The following SLMAP variants were observed in gnomAD, a reference collection of about 807,000 sequenced individuals.
The protein encoded by SLMAP is sarcolemma associated protein.
SLMAP carries 44 observed loss-of-function variants against 128.8 expected under a neutral mutation model. The ratio of observed to expected loss-of-function variants is 0.34; its 90% CI spans 0.27 to 0.44. The LOEUF (loss-of-function observed/expected upper bound fraction) is 0.44. SLMAP is among the 20% of genes least tolerant of loss of function. The probability of loss-of-function intolerance (pLI) is 1.00; values close to 1 mark genes in which losing one functional copy is unlikely to be tolerated. For missense variants in SLMAP, 787 were observed against 985.3 expected, an observed-to-expected ratio of 0.80 and a Z score of 2.69; for synonymous variants, 327 against 348.8, an observed-to-expected ratio of 0.94 and a Z score of 0.70.
intron 3 of SLMAP, among the ~76,000 whole-genome samples, chr3:57,835,911 T>C (rs1004832729): frequency 6.6e-6 from 1 of 152,182 alleles, no homozygotes; most frequent in Admixed American, 6.5e-5. Context: ...AATACACTTA[T>C]AATAAAGTAC....
At chr3:57,811,949 G>A (rs900240520) in intron 2 of SLMAP, among the ~76,000 whole-genome samples, 10 of 152,030 alleles carry the variant, frequency 6.6e-5, no homozygotes, top group Admixed American at 3.3e-4. Context: ...TGAGTTTTAG[G>A]TGTTCTCTAT....
rs748524742 is a variant in SLMAP at position 57,912,707 on chromosome 3, T to A, written c.2020+6T>A. On this transcript the variant is annotated splice_donor_region_variant and intron_variant, in intron 20 of 24. Transcript: ENST00000671191. Reference sequence around the variant, plus strand: ...AGAAGCAACAAGGTTGCAAGGTGAATAAATGTATTTTACATAAAGCTGTTA... The same window carrying A: ...AGAAGCAACAAGGTTGCAAGGTGAAAAAATGTATTTTACATAAAGCTGTTA... 3 of 1,596,980 alleles carry A rather than the reference T, an allele frequency of 1.9e-6. No homozygotes were observed. The highest frequency in any genetic ancestry group is 2.6e-6 in the Non-Finnish European group (3 of 1,167,260).
rs901549118 is a variant in SLMAP at position 57,927,941 on chromosome 3, G to A, written c.*652G>A. 6.6e-6 allele frequency: 1 copy of A among 151,786 alleles called. No individual in the cohort carries two copies. Among genetic ancestry groups the A allele is most frequent in the Non-Finnish European group, 1.5e-5 (1 of 67,902 alleles). The allele number at this position is 151,786 out of a possible 1,614,324, so 9.4% of individuals were successfully genotyped here. ...AGACTTAGAGACAACTATTTGCGTG[G>A]ATTTTTTTTTTTTTAAGGAAAAATA... On this transcript the variant is annotated 3_prime_UTR_variant, in exon 25 of 25. Transcript: ENST00000671191.
At chr3:57,768,531 C>A (rs1029329991) in intron 2 of SLMAP, among the ~76,000 whole-genome samples, 5 of 151,970 alleles carry the variant, frequency 3.3e-5, no homozygotes, top group African/African-American at 4.8e-5. Flanking sequence ...TCAGCCTGGG[C>A]AACTGTTTAT....
In SLMAP at chr3:57,757,588, C is replaced by A; in HGVS notation, c.-64C>A. ...GATAGGGGCATAGGCTTGTGAAGGG[C>A]AGTCCGGATCCGGAGGAACTCCTCT... On this transcript the variant is annotated 5_prime_UTR_variant, in exon 2 of 25. Transcript: ENST00000671191. 6.6e-7 allele frequency: 1 copy of A among 1,510,382 alleles called. No individual in the cohort carries two copies. The highest frequency in any genetic ancestry group is 9.1e-7 in the Non-Finnish European group (1 of 1,094,324). 93.6% of individuals were successfully genotyped at this position (1,510,382 alleles called of 1,614,324 possible). A position where few individuals can be genotyped will look rare whatever the true frequency, so the allele number is the denominator to read the frequency against.
chr3:57,908,631 T>C (rs2096622494), intron 18 of SLMAP, among the ~76,000 whole-genome samples: 1 of 152,248 alleles, frequency 6.6e-6, no homozygotes. Context: ...TGGTATTCAC[T>C]TAACTTGAAC....
rs78565842 is a variant in SLMAP at position 57,841,444 on chromosome 3, G to A, written c.419+73G>A. The stretch of plus-strand genomic sequence containing the variant: ...AAAGAATTTAGTAATAATATTCTAG[G>A]TGATGGTGTACTGCTAATACCTGCT... On this transcript the variant is annotated intron_variant, in intron 4 of 24. Coordinates refer to ENST00000671191, the MANE Select transcript of SLMAP (RefSeq NM_001377540.1). The A allele has an allele frequency of 4.8e-3, 4,028 of 837,940 alleles. 126 individuals carry two copies. In the East Asian group the frequency reaches 0.071, roughly 15 times the overall value. The allele number at this position is 837,940 out of a possible 1,614,324, so 51.9% of individuals were successfully genotyped here.
intron 3 of SLMAP, among the ~76,000 whole-genome samples, chr3:57,839,968 G>A (rs145333086): frequency 5.0e-4 from 76 of 152,002 alleles, no homozygotes; most frequent in Middle Eastern, 3.4e-3. Flanking sequence ...GATTACAGGC[G>A]TAAGCCACTG....
intron 2 of SLMAP, among the ~76,000 whole-genome samples, chr3:57,772,245 A>G (rs538710159): frequency 1.5e-4 from 23 of 152,192 alleles, no homozygotes; most frequent in Non-Finnish European, 3.2e-4. Flanking sequence ...AAAGGTCTGT[A>G]TTGAAAGGCA....
intron 13 of SLMAP, among the ~76,000 whole-genome samples, chr3:57,865,526 ATT>A (rs1239552602): frequency 2.6e-5 from 4 of 152,174 alleles, no homozygotes; most frequent in African/African-American, 9.6e-5. Context: ...TCAGAAAATT[ATT>A]AAGTTCACCT....
intron 18 of SLMAP, among the ~76,000 whole-genome samples, chr3:57,908,556 A>C (rs78521362): frequency 6.6e-5 from 10 of 152,212 alleles, no homozygotes; most frequent in Non-Finnish European, 1.3e-4. Context: ...TTTACATCCC[A>C]GGAGGGAACT....
At chr3:57,851,877 G>A (rs945257127) in intron 6 of SLMAP, among the ~76,000 whole-genome samples, 12 of 152,048 alleles carry the variant, frequency 7.9e-5, no homozygotes, top group Non-Finnish European at 1.5e-4. Flanking sequence ...GTTGTCTTTT[G>A]TTTCAAATAA....
intron 2 of SLMAP, among the ~76,000 whole-genome samples, chr3:57,807,404 CA>C (rs1291057741): frequency 7.9e-5 from 12 of 152,118 alleles, no homozygotes; most frequent in African/African-American, 2.9e-4. Context: ...AGCTTTTGCC[CA>C]TTCAGTATGA....
Position 57,757,675 on chromosome 3 carries a change from C to T in SLMAP, c.24C>T (p.Phe8=), listed in dbSNP as rs1317887587. 6.2e-7 allele frequency: 1 copy of T among 1,614,052 alleles called. No homozygotes were observed. The highest frequency in any genetic ancestry group is 8.5e-7 in the Non-Finnish European group (1 of 1,180,050). ...CGATGCCGTCAGCCTTGGCCATCTT[C>T]ACTTGCCGCCCGAACTCGCACCCGT... is the stretch of plus-strand genomic sequence containing the variant. MPSALAI[F]TCRPNSHPFQ... The change falls in exon 2 of 25, where the codon TTC becomes TTT. Residue 8 remains phenylalanine, a synonymous_variant. Coordinates refer to ENST00000671191, the MANE Select transcript of SLMAP (RefSeq NM_001377540.1).
Position 57,892,454 on chromosome 3 carries a change from T to A in SLMAP, c.1360+2354T>A, listed in dbSNP as rs146985102. On this transcript the variant is annotated intron_variant, in intron 15 of 24. Transcript: ENST00000671191. ...GGTAGAAAGAATATGTGTAGATAAT[T>A]CTACCACTAACTAGCTGTACACCCT... Among the ~76,000 whole-genome samples, 2 of 152,130 alleles carry A rather than the reference T, an allele frequency of 1.3e-5. 1 individual carries two copies. The highest frequency in any genetic ancestry group is 3.9e-4 in the East Asian group (2 of 5,156).
At chr3:57,807,215 T>C (rs974749291) in intron 2 of SLMAP, among the ~76,000 whole-genome samples, 1 of 152,232 alleles carries the variant, frequency 6.6e-6, no homozygotes, top group African/African-American at 2.4e-5. Flanking sequence ...ATGGGGTTGT[T>C]TTTTTCTTGT....
intron 2 of SLMAP, among the ~76,000 whole-genome samples, chr3:57,787,742 G>A (rs561932777): frequency 6.6e-6 from 1 of 152,310 alleles, no homozygotes; most frequent in East Asian, 1.9e-4. Context: ...TCCCAAAAGT[G>A]CTGAGATTAC....
Position 57,757,848 on chromosome 3 carries a change from A to G in SLMAP, c.197A>G (p.Lys66Arg). Residue 66 changes from lysine (K) to arginine (R), a missense_variant and splice_region_variant, in exon 2 of 25, where the codon AAG becomes AGG. Transcript: ENST00000671191. The part of the protein sequence containing the change: ...ALVWFDHKTG[K>R]FYLQDTKSSN... ...GTCTGGTTTGATCACAAGACGGGCA[A>G]GGTAATGTCACCACATTGTCCAGCG... The G allele has an allele frequency of 3.1e-6, 5 of 1,614,008 alleles. No homozygotes were observed. The highest frequency in any genetic ancestry group is 4.2e-6 in the Non-Finnish European group (5 of 1,179,874).
intron 2 of SLMAP, among the ~76,000 whole-genome samples, chr3:57,768,019 C>A (rs2080085951): frequency 1.3e-5 from 2 of 152,044 alleles, no homozygotes; most frequent in Admixed American, 6.6e-5. Context: ...AATATTTTTT[C>A]TTGGGCTTGC....
Sources: gnomAD v4.1 joint callset for allele counts (sites outside exome capture counted in the v4.1 genomes callset) on GRCh38, gnomAD v4.1.1 for gene constraint, MANE v1.5 for transcripts, NCBI Gene and HGNC (gene_info 2026-07-23, HGNC 2026-07-21) for gene names.